ATG2B: variants seen among roughly 807,000 people sequenced by gnomAD.
ATG2B encodes the protein autophagy-related protein 2 homolog B.
A neutral mutation model predicts 241.3 loss-of-function variants in ATG2B; 121 were observed. The ratio of observed to expected loss-of-function variants is 0.50; its 90% confidence interval spans 0.43 to 0.58. The LOEUF (loss-of-function observed/expected upper bound fraction) is 0.58, where lower values mean the gene tolerates loss of function less well. Ranked by LOEUF, ATG2B falls within the 20% of genes least tolerant of loss-of-function variation. The probability of loss-of-function intolerance (pLI) is 0.00; values close to 1 mark genes in which losing one functional copy is unlikely to be tolerated. For synonymous variants in ATG2B, 858 were observed against 876.6 expected (o/e 0.98, Z 0.37); for missense variants, 2,306 against 2,491.6 (o/e 0.93, Z 1.59).
intron 16 of ATG2B, among the ~76,000 whole-genome samples, chr14:96,323,558 TATTTAACCGAAGTAG>T: frequency 6.6e-6 from 1 of 152,368 alleles, no homozygotes; most frequent in East Asian, 1.9e-4. Context: ...GCTTCTGAAT[TATTTAACCGAAGTAG>T]ATCCAGTCCT....
chr14:96,357,547 T>C (rs1202509496), intron 1 of ATG2B, among the ~76,000 whole-genome samples: 2 of 152,108 alleles, frequency 1.3e-5, no homozygotes, highest in Non-Finnish European at 2.9e-5. Context: ...CTCAATCTCC[T>C]CCTCCCACTC....
At chr14:96,310,626 CCTCT>C (rs1308703343) in intron 28 of ATG2B, among the ~76,000 whole-genome samples, 1 of 152,062 alleles carries the variant, frequency 6.6e-6, no homozygotes, top group African/African-American at 2.4e-5. Flanking sequence ...TAATTTTTAA[CCTCT>C]CTATCTCACC....
chr14:96,299,186 C>T lies in ATG2B; in HGVS notation c.5139+2821G>A, dbSNP rs115831630. On this transcript the variant is annotated intron_variant, in intron 34 of 41. Transcript: ENST00000359933. ...TGGTCTCCCAGTCCCAGTCCACAAT[C>T]AGAGTAAGGCTTTTGGTATCTTTAC... 3.9e-3 allele frequency among the ~76,000 whole-genome samples: 595 copies of T among 152,284 alleles called. 6 individuals carry two copies. The highest frequency in any genetic ancestry group is 0.013 in the African/African-American group (550 of 41,548).
Position 96,343,196 on chromosome 14 carries a change from G to A in ATG2B, c.667C>T (p.Leu223Phe). Residue 223 changes from leucine to phenylalanine, a missense_variant, in exon 5 of 42, where the codon CTC becomes TTC. This residue lies in a region of ATG2B where 1,927 missense variants were observed against 2,011.2 expected (regional missense o/e 0.96). Coordinates refer to ENST00000359933, the MANE Select transcript of ATG2B (RefSeq NM_018036.7). Reference protein sequence around the residue: ...PTAFAHKLLQLSGVSLFWDEF... With the variant: ...PTAFAHKLLQFSGVSLFWDEF... ...TCCCAGAAGAGAGACACTCCAGAGA[G>A]CTGAAGTAACTTGTGAGCAAAAGCA... 6.2e-7 allele frequency: 1 copy of A among 1,609,832 alleles called. No homozygotes were observed. The highest frequency in any genetic ancestry group is 1.1e-5 in the South Asian group (1 of 90,688).
At chr14:96,320,603 G>A (rs1887434107) in intron 18 of ATG2B, among the ~76,000 whole-genome samples, 1 of 152,122 alleles carries the variant, frequency 6.6e-6, no homozygotes, top group African/African-American at 2.4e-5. Context: ...GCCTTGTCCT[G>A]TATTTAGAAA....
chr14:96,315,276 A>AAT lies in ATG2B; in HGVS notation c.3562-44_3562-43dup, dbSNP rs780155373. 4.1e-5 allele frequency: 65 copies of AAT among 1,589,104 alleles called. 1 individual carries two copies. In the East Asian group the frequency reaches 1.3e-3, roughly 32 times the overall value. ...AAAGAATGACATTTACCACCTATGT[A>AAT]ATCCTATAACTCAAAAGTTTTTCCA... On this transcript the variant is annotated intron_variant, in intron 22 of 41. Transcript: ENST00000359933.
intron 6 of ATG2B, among the ~76,000 whole-genome samples, chr14:96,335,409 C>T (rs569445894): frequency 1.3e-5 from 2 of 152,208 alleles, no homozygotes; most frequent in East Asian, 1.9e-4. Flanking sequence ...TGAGAAATTT[C>T]GATGACCTAA....
At chr14:96,286,491 T>C (rs1886338860) in intron 41 of ATG2B, among the ~76,000 whole-genome samples, 3 of 152,210 alleles carry the variant, frequency 2.0e-5, no homozygotes, top group African/African-American at 7.2e-5. Flanking sequence ...TTTTATTGGA[T>C]TAGAGAATTC....
intron 18 of ATG2B, among the ~76,000 whole-genome samples, chr14:96,320,478 CT>C (rs1887430754): frequency 6.6e-6 from 1 of 151,110 alleles, no homozygotes; most frequent in African/African-American, 2.4e-5. Context: ...TCTGGGTACA[CT>C]TTATGCAAAA....
chr14:96,328,807 C>G lies in ATG2B; in HGVS notation c.1882-41G>C, dbSNP rs199899345. 228 of 1,442,456 alleles carry G rather than the reference C, an allele frequency of 1.6e-4. 1 individual carries two copies. The African/African-American group carries it at 3.0e-3, about 19-fold the overall frequency. The allele number at this position is 1,442,456 out of a possible 1,614,324, so 89.4% of individuals were successfully genotyped here. A position where few individuals can be genotyped will look rare whatever the true frequency, so the allele number is the denominator to read the frequency against. On this transcript the variant is annotated intron_variant, in intron 12 of 41. Transcript: ENST00000359933. ...GAAGATAAATTAAATGTATTAATCA[C>G]AAGAATTTACAGAGGTGCCCATACA...
intron 15 of ATG2B, 38 bp downstream of exon 15, chr14:96,325,611 A>T (rs1371554458): frequency 6.3e-7 from 1 of 1,577,148 alleles, no homozygotes; most frequent in Non-Finnish European, 8.6e-7. Context: ...GTTGTTTGTT[A>T]TCTAGGATGG....
intron 37 of ATG2B, 27 bp downstream of exon 37, chr14:96,292,002 T>C: frequency 6.8e-7 from 1 of 1,466,290 alleles, no homozygotes. Context: ...GATAATTTTG[T>C]GGAGTATATT....
chr14:96,292,256 CTA>C (rs1369893918), intron 36 of ATG2B, among the ~76,000 whole-genome samples, 158 bp from the exon 37 acceptor site: 3 of 152,108 alleles, frequency 2.0e-5, no homozygotes, highest in African/African-American at 7.2e-5. Flanking sequence ...TCTTTTAGCT[CTA>C]TCTTTTCCTA....
intron 34 of ATG2B, among the ~76,000 whole-genome samples, chr14:96,300,997 T>C (rs1020696517): frequency 1.3e-5 from 2 of 152,218 alleles, no homozygotes; most frequent in Admixed American, 1.3e-4. Flanking sequence ...AAATAAATAC[T>C]CTACTTCCAA....
chr14:96,332,714 G>C, intron 8 of ATG2B, 59 bp from the exon 9 acceptor site: 1 of 1,392,670 alleles, frequency 7.2e-7, no homozygotes, highest in Non-Finnish European at 9.6e-7. Context: ...AGTCTTTTAA[G>C]TAAGTTAATA....
In ATG2B at chr14:96,290,915, A is replaced by G. The variant is rs768204222; in HGVS notation, c.5600T>C (p.Leu1867Ser). The change falls in exon 39 of 42, where the codon TTA becomes TCA. Residue 1867 changes from leucine (L) to serine (S), a missense_variant. Leu to Ser is a moderately radical substitution (Grantham distance 145). Transcript: ENST00000359933. This position sits in a 1 kb window ranked among gnomAD's most constrained non-coding sequence, Gnocchi z 4.4. Reference protein sequence around the residue: ...YRHGLLGVDKLFSYAITEWLN... With the variant: ...YRHGLLGVDKSFSYAITEWLN... The stretch of plus-strand genomic sequence containing the variant: ...CCACTCAGTGATTGCATATGAGAAT[A>G]ATTTGTCAACGCCTAGTAAACTAGA... The G allele has an allele frequency of 6.2e-7, 1 of 1,611,850 alleles. No individual in the cohort carries two copies. The highest frequency in any genetic ancestry group is 1.1e-5 in the South Asian group (1 of 90,308).
At chr14:96,309,734 AG>A in intron 28 of ATG2B, 140 bp from the exon 29 acceptor site, 1 of 796,570 alleles carries the variant, frequency 1.3e-6, no homozygotes, top group South Asian at 2.5e-5. Flanking sequence ...TATGCCCAGC[AG>A]CTGTTATATT....
chr14:96,306,587 T>C, intron 30 of ATG2B, 127 bp downstream of exon 30: 1 of 737,118 alleles, frequency 1.4e-6, no homozygotes, highest in Non-Finnish European at 2.1e-6. Flanking sequence ...CAATAGTATA[T>C]TAAAAAAAAA....
chr14:96,292,877 GATAGTATTTGC>G (rs1047381898), intron 36 of ATG2B: 3 of 152,094 alleles, frequency 2.0e-5, no homozygotes, highest in African/African-American at 7.2e-5. Context: ...TATAAAATGG[GATAGTATTTGC>G]ATATATGCCA....
Sources: allele counts gnomAD v4.1 joint callset (sites outside exome capture counted in the v4.1 genomes callset), GRCh38; gene constraint gnomAD v4.1.1; regional missense constraint gnomAD v4.1.1; non-coding constraint Gnocchi (gnomAD v3.1); transcripts MANE v1.5; gene names NCBI Gene and HGNC (gene_info 2026-07-23, HGNC 2026-07-21).